FRMD6: variants seen among roughly 807,000 people sequenced by gnomAD.
The protein encoded by FRMD6 is FERM domain-containing protein 6.
In FRMD6, 37 loss-of-function variants were observed where a neutral mutation model predicts 73.2. That is an observed-to-expected ratio of 0.51 (90% CI 0.39 to 0.66). FRMD6 has a LOEUF of 0.66. Among genes scored for constraint, FRMD6 ranks in the 30% least tolerant of loss-of-function variants. The pLI is 0.00. For synonymous variants in FRMD6, 273 were observed against 282.2 expected, an observed-to-expected ratio of 0.97 and a Z score of 0.33; for missense variants, 714 against 780.5, an observed-to-expected ratio of 0.91 and a Z score of 1.02.
At chr14:51,716,446 T>C (rs1897247454) in intron 10 of FRMD6, among the ~76,000 whole-genome samples, 1 of 152,162 alleles carries the variant, frequency 6.6e-6, no homozygotes, top group African/African-American at 2.4e-5. Flanking sequence ...GGGTGAAGAT[T>C]CATATTTTAG....
At chr14:51,428,031 G>A in the FRMD6 span, among the ~76,000 whole-genome samples, 7 of 152,318 alleles carry the variant, frequency 4.6e-5, no homozygotes, top group Non-Finnish European at 8.8e-5. Flanking sequence ...GGAGGTGGAG[G>A]CTTGTTAAAA....
At chr14:51,465,574 A>G in the FRMD6 span, among the ~76,000 whole-genome samples, 1 of 152,248 alleles carries the variant, frequency 6.6e-6, no homozygotes, top group Non-Finnish European at 1.5e-5. Context: ...GCCAGACAAA[A>G]AAAGAGTTTT....
chr14:51,676,963 T>C (rs1894432516), intron 1 of FRMD6, among the ~76,000 whole-genome samples: 1 of 152,188 alleles, frequency 6.6e-6, no homozygotes, highest in Non-Finnish European at 1.5e-5. Context: ...ACCTGACATG[T>C]GAACATAAGA....
the FRMD6 span, among the ~76,000 whole-genome samples, chr14:51,455,438 A>G: frequency 5.9e-4 from 90 of 152,332 alleles, 1 homozygote; most frequent in African/African-American, 2.1e-3. Flanking sequence ...TTTAAAGCCT[A>G]TAAACTTCTT....
the FRMD6 span, chr14:51,436,911 A>G: frequency 1.0e-6 from 1 of 996,502 alleles, no homozygotes; most frequent in East Asian, 3.1e-5. Context: ...GGTGAAGAAG[A>G]AGAAGATGAT....
the FRMD6 span, among the ~76,000 whole-genome samples, chr14:51,435,081 G>C: frequency 6.6e-6 from 1 of 152,152 alleles, no homozygotes; most frequent in Non-Finnish European, 1.5e-5. Flanking sequence ...GATCGTACCA[G>C]TAAAAAAGAC....
chr14:51,686,562 A>G (rs1305856110), intron 1 of FRMD6, among the ~76,000 whole-genome samples: 2 of 152,156 alleles, frequency 1.3e-5, no homozygotes, highest in African/African-American at 4.8e-5. Flanking sequence ...TGTAAGTTGG[A>G]TATTAATAAA....
chr14:51,708,006 A>AT, intron 6 of FRMD6, 72 bp from the exon 7 acceptor site: 1 of 1,441,454 alleles, frequency 6.9e-7, no homozygotes, highest in Non-Finnish European at 9.7e-7. Flanking sequence ...TTCTTTCATC[A>AT]TTTTGGGGGT....
intron 2 of FRMD6, among the ~76,000 whole-genome samples, chr14:51,607,597 C>G (rs1378807642): frequency 6.6e-6 from 1 of 152,182 alleles, no homozygotes; most frequent in Non-Finnish European, 1.5e-5. Context: ...CCATACCACT[C>G]GCTCCTCAGG....
intron 1 of FRMD6, among the ~76,000 whole-genome samples, chr14:51,564,775 G>A (rs925400301): frequency 1.3e-5 from 2 of 152,130 alleles, no homozygotes; most frequent in African/African-American, 2.4e-5. Flanking sequence ...GTAGGAGCTC[G>A]CATTTGCTAA....
At chr14:51,598,563 C>G (rs1043636694) in intron 2 of FRMD6, among the ~76,000 whole-genome samples, 2 of 152,158 alleles carry the variant, frequency 1.3e-5, no homozygotes, top group African/African-American at 4.8e-5. Context: ...GTCTCCTTCC[C>G]TCTCTCCCCA....
chr14:51,714,661 C>T (rs1220760319), intron 9 of FRMD6: 1 of 152,248 alleles, frequency 6.6e-6, no homozygotes, highest in Non-Finnish European at 1.5e-5. Context: ...CCTCCAACTA[C>T]CAGCTCTCTC....
chr14:51,569,298 A>G (rs1887967825), intron 1 of FRMD6, among the ~76,000 whole-genome samples: 1 of 152,206 alleles, frequency 6.6e-6, no homozygotes, highest in Non-Finnish European at 1.5e-5. Context: ...AACAGACAAC[A>G]GCCTTGCATT....
At chr14:51,508,294 C>G (rs1156302969) in intron 1 of FRMD6, among the ~76,000 whole-genome samples, 1 of 152,270 alleles carries the variant, frequency 6.6e-6, no homozygotes, top group African/African-American at 2.4e-5. Flanking sequence ...GCCCCAGAGG[C>G]CGGCACTGGC....
intron 1 of FRMD6, among the ~76,000 whole-genome samples, chr14:51,543,766 G>T (rs1004327152): frequency 6.6e-6 from 1 of 151,982 alleles, no homozygotes; most frequent in African/African-American, 2.4e-5. Flanking sequence ...GAACTCAAAA[G>T]AATTATTTTG....
chr14:51,587,711 C>A (rs1194583999), intron 2 of FRMD6, among the ~76,000 whole-genome samples: 1 of 152,116 alleles, frequency 6.6e-6, no homozygotes, highest in Non-Finnish European at 1.5e-5. Flanking sequence ...TGGGGTTGTG[C>A]AGACCCATCT....
intron 2 of FRMD6, among the ~76,000 whole-genome samples, chr14:51,630,222 C>A (rs970343428): frequency 6.6e-6 from 1 of 151,866 alleles, no homozygotes; most frequent in African/African-American, 2.4e-5. Context: ...TTGTTGACTG[C>A]CCATATACTA....
At chr14:51,616,968 A>G (rs1890740062) in intron 2 of FRMD6, among the ~76,000 whole-genome samples, 1 of 152,238 alleles carries the variant, frequency 6.6e-6, no homozygotes, top group African/African-American at 2.4e-5. Context: ...TCCCTTTTTG[A>G]AACTCACCTC....
chr14:51,406,372 T>C, the FRMD6 span, among the ~76,000 whole-genome samples: 1 of 152,156 alleles, frequency 6.6e-6, no homozygotes, highest in African/African-American at 2.4e-5. Flanking sequence ...ATGTTATTGG[T>C]AATGATAGGA....
Sources: gnomAD v4.1 joint callset for allele counts (sites outside exome capture counted in the v4.1 genomes callset) on GRCh38, gnomAD v4.1.1 for gene constraint, MANE v1.5 for transcripts, NCBI Gene and HGNC (gene_info 2026-07-23, HGNC 2026-07-21) for gene names.